The following ZDHHC6 variants were observed in gnomAD, a reference collection of about 807,000 sequenced individuals.
ZDHHC6 encodes the protein palmitoyltransferase ZDHHC6.
ZDHHC6 carries 32 observed loss-of-function variants against 57.8 expected under a neutral mutation model. That is an observed-to-expected ratio of 0.55 (90% confidence interval 0.42 to 0.74). The LOEUF is 0.74. Ranked by LOEUF, ZDHHC6 falls within the 30% of genes least tolerant of loss-of-function variation. The probability of loss-of-function intolerance (pLI) is 0.00; values close to 1 mark genes in which losing one functional copy is unlikely to be tolerated. For missense variants in ZDHHC6, 433 were observed against 500.7 expected, an observed-to-expected ratio of 0.86 and a Z score of 1.29; for synonymous variants, 128 against 158.0, an observed-to-expected ratio of 0.81 and a Z score of 1.42.
chr10:112,440,394 A>C, intron 5 of ZDHHC6, 140 bp downstream of exon 5: 2 of 916,160 alleles, frequency 2.2e-6, no homozygotes, highest in Non-Finnish European at 3.2e-6. Context: ...ACGAATACAA[A>C]GGAGATTAGT....
intron 5 of ZDHHC6, 92 bp from the exon 6 acceptor site, chr10:112,438,481 T>C (rs1218394808): frequency 7.0e-6 from 7 of 1,004,686 alleles, no homozygotes; most frequent in Non-Finnish European, 9.6e-6. Flanking sequence ...CTTTTATTAC[T>C]CCATTCCATA....
chr10:112,443,000 A>C (rs1047228488), intron 3 of ZDHHC6, among the ~76,000 whole-genome samples: 1 of 152,258 alleles, frequency 6.6e-6, no homozygotes, highest in African/African-American at 2.4e-5. Context: ...TCATTAAAAA[A>C]GGTCACAGGT....
downstream of ZDHHC6, among the ~76,000 whole-genome samples, chr10:112,428,857 C>G (rs539511175): frequency 3.8e-4 from 58 of 152,210 alleles, no homozygotes; most frequent in Admixed American, 1.2e-3. Flanking sequence ...CGGATACAGC[C>G]TGGGCACTGA....
Position 112,443,614 on chromosome 10 carries a change from G to T in ZDHHC6, c.268-8C>A, listed in dbSNP as rs1398637230. 3.1e-6 allele frequency: 5 copies of T among 1,607,952 alleles called. No individual in the cohort carries two copies. Among genetic ancestry groups the T allele is most frequent in the Non-Finnish European group, 4.3e-6 (5 of 1,176,068 alleles). On this transcript the variant is annotated splice_region_variant and splice_polypyrimidine_tract_variant and intron_variant, in intron 2 of 10. Coordinates refer to ENST00000369405, the MANE Select transcript of ZDHHC6 (RefSeq NM_022494.3). ...GGTATCCTGAGAAATTTCCTTGGCA[G>T]CAAAACAGAAACAAAAATGCATCAT...
chr10:112,443,009 G>C (rs1348358495), intron 3 of ZDHHC6, among the ~76,000 whole-genome samples: 1 of 152,094 alleles, frequency 6.6e-6, no homozygotes, highest in Non-Finnish European at 1.5e-5. Context: ...AAGGTCACAG[G>C]TTATTTCATA....
chr10:112,425,407 C>T (rs1844630522), downstream of ZDHHC6: 2 of 1,612,956 alleles, frequency 1.2e-6, no homozygotes, highest in Admixed American at 1.7e-5. Context: ...ATACATTGCA[C>T]CAGAGAAGAT....
At chr10:112,439,708 G>A (rs969789521) in intron 5 of ZDHHC6, among the ~76,000 whole-genome samples, 1 of 143,188 alleles carries the variant, frequency 7.0e-6, no homozygotes, top group African/African-American at 2.6e-5. Context: ...TCAGAGCCAG[G>A]TCCTCCTCCT....
intron 7 of ZDHHC6, among the ~76,000 whole-genome samples, chr10:112,433,799 G>T (rs1845265105): frequency 6.6e-6 from 1 of 152,174 alleles, no homozygotes; most frequent in Admixed American, 6.5e-5. Flanking sequence ...TGAAGTTACA[G>T]ATATAAGATA....
upstream of ZDHHC6, chr10:112,447,393 G>T (rs760882835): frequency 6.2e-7 from 1 of 1,613,540 alleles, no homozygotes. Context: ...GACTTCGAAG[G>T]TTACGAGCAG....
intron 5 of ZDHHC6, among the ~76,000 whole-genome samples, chr10:112,439,628 T>TAAAAAAAAAAAAAAAAAAAAAAAAAA (rs869272293): frequency 7.0e-4 from 22 of 31,306 alleles, no homozygotes; most frequent in Admixed American, 1.9e-3. Flanking sequence ...AGACTCCGTC[T>TAAAAAAAAAAAAAAAAAAAAAAAAAA]AAAAAAAAAA....
In ZDHHC6 at chr10:112,446,894, C is replaced by A; in HGVS notation, c.-404G>T. ...TGCTACAAGCCGAGCACCTCTCGGCCAGCGCCCTCGCCAGGACTCTCCCGC... is the reference window on the plus strand; with the variant it reads ...TGCTACAAGCCGAGCACCTCTCGGCAAGCGCCCTCGCCAGGACTCTCCCGC... On this transcript the variant is annotated 5_prime_UTR_variant, in exon 1 of 11. Transcript: ENST00000369405. 1 of 192,250 alleles carries A rather than the reference C, an allele frequency of 5.2e-6. No individual in the cohort carries two copies. Among genetic ancestry groups the A allele is most frequent in the Non-Finnish European group, 1.1e-5 (1 of 90,110 alleles). The allele number at this position is 192,250 out of a possible 1,614,324, so 11.9% of individuals were successfully genotyped here.
intron 5 of ZDHHC6, among the ~76,000 whole-genome samples, chr10:112,439,664 A>AAAAAAGAATG (rs1845912824): frequency 2.8e-5 from 4 of 140,526 alleles, no homozygotes; most frequent in African/African-American, 2.6e-5. Flanking sequence ...AAAAAAAAAA[A>AAAAAAGAATG]AAAAAGAATG....
intron 1 of ZDHHC6, 131 bp from the exon 2 acceptor site, chr10:112,445,781 A>T: frequency 2.5e-6 from 1 of 403,372 alleles, no homozygotes; most frequent in Admixed American, 3.9e-5. Flanking sequence ...TTTGGGATGC[A>T]TATCTTGTCA....
intron 3 of ZDHHC6, among the ~76,000 whole-genome samples, chr10:112,442,951 G>A (rs1846270774): frequency 6.6e-6 from 1 of 151,982 alleles, no homozygotes; most frequent in Admixed American, 6.6e-5. Context: ...TGCTTTCAAC[G>A]GTTCTCTAAA....
rs74845373 is a variant in ZDHHC6 at position 112,434,349 on chromosome 10, C to T, written c.851G>A (p.Gly284Glu). Residue 284 changes from glycine to glutamate, a missense_variant, in exon 7 of 11, where the codon GGA becomes GAA. Gly to Glu is a moderately conservative substitution (Grantham distance 98, BLOSUM62 -2). Coordinates refer to ENST00000369405, the MANE Select transcript of ZDHHC6 (RefSeq NM_022494.3). ...QVFTWSGVPEGDGLEWPVREG... is the reference protein window; with the variant it reads ...QVFTWSGVPEEDGLEWPVREG... Reference sequence around the variant, plus strand: ...TCTTACTGGCCACTCAAGTCCATCTCCTTCAGGGACCCCTGACCACGTAAA... The same window carrying T: ...TCTTACTGGCCACTCAAGTCCATCTTCTTCAGGGACCCCTGACCACGTAAA... The T allele has an allele frequency of 6.8e-6, 11 of 1,613,812 alleles. No individual in the cohort carries two copies. In the East Asian group the frequency reaches 2.0e-4, roughly 29 times the overall value.
chr10:112,428,379 T>TA, downstream of ZDHHC6: 1 of 398,590 alleles, frequency 2.5e-6, no homozygotes, highest in East Asian at 3.6e-5. Context: ...TACAGATACT[T>TA]ACGTTGTGGT....
chr10:112,428,989 C>A (rs1011696562), downstream of ZDHHC6, among the ~76,000 whole-genome samples: 21 of 152,174 alleles, frequency 1.4e-4, no homozygotes, highest in East Asian at 4.0e-3. Context: ...ACCAGCTGAG[C>A]CAAAACTCCA....
chr10:112,428,964 A>G (rs1844848806), downstream of ZDHHC6, among the ~76,000 whole-genome samples: 1 of 152,202 alleles, frequency 6.6e-6, no homozygotes, highest in African/African-American at 2.4e-5. Context: ...CATAGCTGTA[A>G]AGAATAAAAC....
At chr10:112,443,900 A>G (rs565087534) in intron 2 of ZDHHC6, among the ~76,000 whole-genome samples, 4 of 152,276 alleles carry the variant, frequency 2.6e-5, no homozygotes, top group African/African-American at 9.6e-5. Flanking sequence ...GAGTTCAGAA[A>G]AAGGTAGCTG....
Sources: gnomAD v4.1 joint callset for allele counts (sites outside exome capture counted in the v4.1 genomes callset) on GRCh38, gnomAD v4.1.1 for gene constraint, MANE v1.5 for transcripts, NCBI Gene and HGNC (gene_info 2026-07-23, HGNC 2026-07-21) for gene names.